The following SPAG9 variants were observed in gnomAD, a reference collection of about 807,000 sequenced individuals.
SPAG9 encodes sperm associated antigen 9.
In SPAG9, 35 loss-of-function variants were observed where a neutral mutation model predicts 166.5. The observed-to-expected ratio is 0.21, with a 90% confidence interval of 0.16 to 0.28. SPAG9 has a LOEUF of 0.28. Ranked by LOEUF, SPAG9 falls within the 10% of genes least tolerant of loss-of-function variation. The pLI is 1.00. For synonymous variants in SPAG9, 534 were observed against 565.5 expected (o/e 0.94, Z 0.79); for missense variants, 1,235 against 1,603.3 (o/e 0.77, Z 3.92).
rs916515830 is a variant in SPAG9, at chr17:51,120,797, T to C, written c.-141A>G. On this transcript the variant is annotated 5_prime_UTR_variant, in exon 1 of 30. Transcript: ENST00000262013. This position sits in a 1 kb window ranked among gnomAD's most constrained non-coding sequence, Gnocchi z 4.7. ...GGGGCTGGGGCTGGGCCCGGCGGGG[T>C]GGGGGCCGGGGCCGGAGGAGGGGAG... The C allele has an allele frequency of 6.8e-6, 4 of 586,830 alleles. No individual in the cohort carries two copies. The highest frequency in any genetic ancestry group is 6.1e-5 in the African/African-American group (3 of 49,410). The allele number at this position is 586,830 out of a possible 1,614,324, so 36.4% of individuals were successfully genotyped here.
intron 2 of SPAG9, among the ~76,000 whole-genome samples, chr17:51,063,065 C>T (rs1228871358): frequency 6.6e-6 from 1 of 152,064 alleles, no homozygotes; most frequent in Non-Finnish European, 1.5e-5. Flanking sequence ...GTTTTTAATG[C>T]ACAAAAAGTG....
intron 2 of SPAG9, among the ~76,000 whole-genome samples, chr17:51,077,053 G>GCTAGCTACCTATCTATCTAGCTAT (rs2048020759): frequency 8.8e-6 from 1 of 113,188 alleles, no homozygotes; most frequent in Admixed American, 8.4e-5. Flanking sequence ...TAGCTATCTA[G>GCTAGCTACCTATCTATCTAGCTAT]CTAGCTATCT....
chr17:51,042,883 C>T (rs1012401247), intron 4 of SPAG9, among the ~76,000 whole-genome samples: 2 of 152,080 alleles, frequency 1.3e-5, no homozygotes, highest in African/African-American at 2.4e-5. Context: ...AGCAGGAAGG[C>T]AGTACAATAA....
chr17:51,022,959 A>G (rs1185669111), intron 6 of SPAG9, among the ~76,000 whole-genome samples: 1 of 148,404 alleles, frequency 6.7e-6, no homozygotes, highest in Non-Finnish European at 1.5e-5. Flanking sequence ...TAATAATAAT[A>G]ATAATAATAA....
At chr17:50,994,304 T>A (rs1975882465) in intron 18 of SPAG9, among the ~76,000 whole-genome samples, 1 of 152,200 alleles carries the variant, frequency 6.6e-6, no homozygotes. Context: ...AGAAGTGCCT[T>A]TCATCTCCTG....
chr17:51,062,088 G>T (rs73986889), intron 2 of SPAG9, among the ~76,000 whole-genome samples: 1 of 152,236 alleles, frequency 6.6e-6, no homozygotes, highest in South Asian at 2.1e-4. Context: ...TGGAGTTACA[G>T]ATGACTTGTC....
At chr17:51,041,860 TAAGAA>T (rs2046851021) in intron 4 of SPAG9, among the ~76,000 whole-genome samples, 1 of 152,124 alleles carries the variant, frequency 6.6e-6, no homozygotes. Flanking sequence ...AGAAATCAAC[TAAGAA>T]AAGTGGTAAG....
intron 2 of SPAG9, among the ~76,000 whole-genome samples, chr17:51,074,184 CGAGA>C (rs1187454154): frequency 6.7e-6 from 1 of 149,510 alleles, no homozygotes; most frequent in Non-Finnish European, 1.5e-5. Context: ...TGCAGTGAGC[CGAGA>C]TCACACCACT....
At chr17:51,109,873 C>A (rs1049196629) in intron 1 of SPAG9, among the ~76,000 whole-genome samples, 1 of 151,860 alleles carries the variant, frequency 6.6e-6, no homozygotes, top group Non-Finnish European at 1.5e-5. Flanking sequence ...CACCACACCA[C>A]GCTAATTTTT....
At chr17:51,000,601 A>G (rs914905197) in intron 13 of SPAG9, among the ~76,000 whole-genome samples, 2 of 152,004 alleles carry the variant, frequency 1.3e-5, no homozygotes, top group African/African-American at 4.8e-5. Context: ...TGGGCATGGT[A>G]GCGCACACCT....
chr17:51,117,025 A>C (rs191025225), intron 1 of SPAG9, among the ~76,000 whole-genome samples: 1 of 152,298 alleles, frequency 6.6e-6, no homozygotes, highest in East Asian at 1.9e-4. Context: ...AAGATGACAG[A>C]TTTCTTGATT....
In SPAG9 at chr17:51,101,573, T is replaced by C. The variant is rs145570518; in HGVS notation, c.303+18781A>G. Among the ~76,000 whole-genome samples the C allele has an allele frequency of 8.8e-3, 1,336 of 151,534 alleles. 17 individuals are homozygous for C. Among genetic ancestry groups the C allele is most frequent in the African/African-American group, 0.031 (1,296 of 41,326 alleles). The stretch of plus-strand genomic sequence containing the variant: ...TGAAAGAAAATTCAAAATTGAGGAG[T>C]ACATAATTAAAACTAGAAATTTGAT... On this transcript the variant is annotated intron_variant, in intron 1 of 29. Transcript: ENST00000262013.
intron 1 of SPAG9, chr17:51,085,298 A>G (rs2048277110): frequency 6.6e-6 from 1 of 152,250 alleles, no homozygotes; most frequent in South Asian, 2.1e-4. Flanking sequence ...GCCTAATAGG[A>G]GACACCTAAT....
At chr17:50,998,673 T>A in intron 14 of SPAG9, 56 bp from the exon 15 acceptor site, 3 of 1,521,602 alleles carry the variant, frequency 2.0e-6, no homozygotes, top group Non-Finnish European at 1.8e-6. Context: ...CAATCCTTGA[T>A]TTTCCACAAA....
intron 19 of SPAG9, among the ~76,000 whole-genome samples, chr17:50,992,691 A>C (rs1481199488): frequency 6.6e-6 from 1 of 152,090 alleles, no homozygotes; most frequent in Non-Finnish European, 1.5e-5. Context: ...AAAAAACAAA[A>C]ACAAAAATGT....
chr17:50,998,518 G>C lies in SPAG9; in HGVS notation c.1764C>G (p.Ser588=), dbSNP rs374965775. The stretch of plus-strand genomic sequence containing the variant: ...ATAAGGTGCTGCTTCTTTTCTTGAC[G>C]GACGGAGTAACATGAGACGTGGGTG... ...YNAPTSHVTP[S]VKKRSSTLSQ... Residue 588 remains serine (S), a synonymous_variant, in exon 15 of 30, where the codon TCC becomes TCG. Transcript: ENST00000262013. 1.6e-5 allele frequency: 26 copies of C among 1,613,928 alleles called. No individual in the cohort carries two copies. Among genetic ancestry groups the C allele is most frequent in the South Asian group, 5.5e-5 (5 of 91,092 alleles).
In SPAG9 at chr17:51,020,257, G is replaced by C. The variant is rs747541135; in HGVS notation, c.993C>G (p.Gly331=). ...CTGACTTTTCTTCATTTTCAGCAGA[G>C]CCTTAAAAAAGGACATGATGAAATA... ...VAQETRNVST[G]SAENEEKSEV... is the part of the protein sequence containing the mutation. The change falls in exon 8 of 30, where the codon GGC becomes GGG. Residue 331 remains glycine, a splice_region_variant and synonymous_variant. Coordinates refer to ENST00000262013, the MANE Select transcript of SPAG9 (RefSeq NM_001130528.3). The C allele has an allele frequency of 1.2e-6, 2 of 1,604,064 alleles. No homozygotes were observed. Among genetic ancestry groups the C allele is most frequent in the Non-Finnish European group, 1.7e-6 (2 of 1,171,194 alleles).
At chr17:51,096,348 CA>C (rs573525604) in intron 1 of SPAG9, among the ~76,000 whole-genome samples, 3 of 134,250 alleles carry the variant, frequency 2.2e-5, no homozygotes, top group African/African-American at 8.4e-5. Context: ...GACTCTGTCT[CA>C]AAAAAAAACA....
intron 3 of SPAG9, among the ~76,000 whole-genome samples, chr17:51,047,867 C>A (rs1044064549): frequency 6.6e-6 from 1 of 151,954 alleles, no homozygotes; most frequent in African/African-American, 2.4e-5. Context: ...TAAAATGAGA[C>A]ACAACAAAGA....
Sources: gnomAD v4.1 joint callset for allele counts (sites outside exome capture counted in the v4.1 genomes callset) on GRCh38, gnomAD v4.1.1 for gene constraint, Gnocchi (gnomAD v3.1) non-coding constraint, MANE v1.5 for transcripts, NCBI Gene and HGNC (gene_info 2026-07-23, HGNC 2026-07-21) for gene names.